DGKH: variants seen among roughly 807,000 people sequenced by gnomAD.
The protein encoded by DGKH is diacylglycerol kinase eta.
A neutral mutation model predicts 159.3 loss-of-function variants in DGKH; 90 were observed. The ratio of observed to expected loss-of-function variants is 0.57; its 90% CI spans 0.48 to 0.67. The LOEUF is 0.67. DGKH is among the 30% of genes least tolerant of loss of function. The probability of loss-of-function intolerance (pLI) is 0.00; values close to 1 mark genes in which losing one functional copy is unlikely to be tolerated. For synonymous variants in DGKH, 536 were observed against 553.8 expected (o/e 0.97, Z 0.45); for missense variants, 1,181 against 1,506.1 (o/e 0.78, Z 3.57).
chr13:42,112,099 A>T (rs866235622), intron 1 of DGKH, among the ~76,000 whole-genome samples: 1 of 152,312 alleles, frequency 6.6e-6, no homozygotes, highest in South Asian at 2.1e-4. Context: ...GAATCAGAAC[A>T]TGTGTGTGTT....
At chr13:42,101,078 C>G (rs575133646) in intron 1 of DGKH, among the ~76,000 whole-genome samples, 5 of 152,200 alleles carry the variant, frequency 3.3e-5, no homozygotes, top group African/African-American at 1.2e-4. Context: ...CTGGCTCCCC[C>G]ACTAATCTCT....
At chr13:42,171,614 T>C (rs971279831) in intron 11 of DGKH, among the ~76,000 whole-genome samples, 1 of 152,228 alleles carries the variant, frequency 6.6e-6, no homozygotes, top group African/African-American at 2.4e-5. Context: ...AACTTGACTT[T>C]TATGTTTCTA....
chr13:42,199,973 G>A, intron 20 of DGKH, 64 bp downstream of exon 20: 2 of 1,414,228 alleles, frequency 1.4e-6, no homozygotes, highest in Non-Finnish European at 1.9e-6. Flanking sequence ...TCGTTTTGGA[G>A]CTAATTTGAC....
At position 42,129,643 on chromosome 13, in the gene DGKH, A is replaced by G; in HGVS notation, c.384+11A>G. 6.2e-7 allele frequency: 1 copy of G among 1,607,978 alleles called. No homozygotes were observed. The highest frequency in any genetic ancestry group is 1.1e-5 in the South Asian group (1 of 90,010). On this transcript the variant is annotated intron_variant, in intron 3 of 29. Transcript: ENST00000337343. ...AACAACAGCTTCACGGTATGGTTAT[A>G]TTCTGCTAACTCCCTTCTCAAAAGT...
chr13:42,233,727 C>T lies in DGKH; in HGVS notation c.*4539C>T, dbSNP rs943831874. ...CTCCACCTCTAAGTCACTAACAATCCATGTTTGTTCAGTTTGTTGACATGT... is the reference window on the plus strand; with the variant it reads ...CTCCACCTCTAAGTCACTAACAATCTATGTTTGTTCAGTTTGTTGACATGT... On this transcript the variant is annotated 3_prime_UTR_variant, in exon 30 of 30. Transcript: ENST00000337343. The T allele has an allele frequency of 6.6e-6, 1 of 152,208 alleles. No homozygotes were observed. The highest frequency in any genetic ancestry group is 2.4e-5 in the African/African-American group (1 of 41,452). 9.4% of individuals were successfully genotyped at this position (152,208 alleles called of 1,614,324 possible).
chr13:42,133,678 A>G (rs1955338547), intron 3 of DGKH, among the ~76,000 whole-genome samples: 1 of 152,232 alleles, frequency 6.6e-6, no homozygotes, highest in Non-Finnish European at 1.5e-5. Context: ...CCTGGACAAC[A>G]AAGTGATTCC....
chr13:42,166,606 C>A lies in DGKH; in HGVS notation c.1050C>A (p.Leu350=). The change falls in exon 9 of 30, where the codon CTC becomes CTA. Residue 350 remains leucine (L), a synonymous_variant. Transcript: ENST00000337343. ...GAGATAATCAGGGAGTAAAGTTCCT[C>A]CGTCGCTTTAAACAGTTGCTAAATC... ...KSGDNQGVKF[L]RRFKQLLNPA... is the part of the protein sequence containing the mutation. 1 of 1,609,030 alleles carries A rather than the reference C, an allele frequency of 6.2e-7. No homozygotes were observed. The highest frequency in any genetic ancestry group is 2.2e-5 in the East Asian group (1 of 44,576).
chr13:42,098,573 CACTT>C (rs372965424), intron 1 of DGKH, among the ~76,000 whole-genome samples: 33 of 151,996 alleles, frequency 2.2e-4, no homozygotes, highest in African/African-American at 7.7e-4. Context: ...CTTTTGATGA[CACTT>C]ACAAAATCAA....
Position 42,159,384 on chromosome 13 carries a change from C to T in DGKH, c.729+12C>T, listed in dbSNP as rs375971353. 2.0e-4 allele frequency: 314 copies of T among 1,552,090 alleles called. 1 individual carries two copies. Among genetic ancestry groups the T allele is most frequent in the Non-Finnish European group, 2.6e-4 (288 of 1,124,434 alleles). On this transcript the variant is annotated intron_variant, in intron 6 of 29. Transcript: ENST00000337343. ...AAGATGAAGATGGCGTAAGCTGCTG[C>T]TCTGTCTCTGCTCTCTTCCCACTAA...
At chr13:42,143,021 T>C (rs1955610022) in intron 3 of DGKH, among the ~76,000 whole-genome samples, 1 of 152,200 alleles carries the variant, frequency 6.6e-6, no homozygotes, top group South Asian at 2.1e-4. Context: ...CAGTATGATA[T>C]TGGCTGTGGG....
intron 1 of DGKH, among the ~76,000 whole-genome samples, chr13:42,120,880 A>T (rs892174195): frequency 6.6e-6 from 1 of 152,104 alleles, no homozygotes; most frequent in African/African-American, 2.4e-5. Context: ...CTTTCAACAG[A>T]TTCTGAAAAG....
At chr13:42,228,192 A>C (rs1958183093) in intron 29 of DGKH, among the ~76,000 whole-genome samples, 1 of 152,202 alleles carries the variant, frequency 6.6e-6, no homozygotes, top group Middle Eastern at 3.4e-3. Flanking sequence ...TGCTGTGCAC[A>C]CTCTGCAGTC....
chr13:42,200,845 A>G (rs1437692192), intron 20 of DGKH, among the ~76,000 whole-genome samples: 1 of 152,172 alleles, frequency 6.6e-6, no homozygotes, highest in Non-Finnish European at 1.5e-5. Context: ...GACTTACTGG[A>G]TAAAAAGGTA....
Position 42,171,519 on chromosome 13 carries a change from G to A in DGKH, c.1368-2541G>A, listed in dbSNP as rs61959234. Among the ~76,000 whole-genome samples the A allele has an allele frequency of 6.6e-5, 10 of 152,228 alleles. No individual in the cohort carries two copies. In the East Asian group the frequency reaches 1.9e-3, roughly 29 times the overall value. Reference sequence around the variant, plus strand: ...TCGAGTGGGGAGGTATAGCATGGAGGGTGCAAGGAACTCAGACATTTGGAT... The same window carrying A: ...TCGAGTGGGGAGGTATAGCATGGAGAGTGCAAGGAACTCAGACATTTGGAT... On this transcript the variant is annotated intron_variant, in intron 11 of 29. Coordinates refer to ENST00000337343, the MANE Select transcript of DGKH (RefSeq NM_178009.5).
At chr13:42,096,425 C>G (rs976868916) in intron 1 of DGKH, among the ~76,000 whole-genome samples, 2 of 152,150 alleles carry the variant, frequency 1.3e-5, no homozygotes, top group African/African-American at 2.4e-5. Flanking sequence ...TGATTTCATT[C>G]TTGTTTATGG....
intron 28 of DGKH, 69 bp downstream of exon 28, chr13:42,219,863 AG>A: frequency 1.4e-6 from 2 of 1,431,330 alleles, no homozygotes; most frequent in Middle Eastern, 1.8e-4. Flanking sequence ...GACATCATGG[AG>A]GTCGTGAAAA....
rs551605848 is a variant in DGKH at position 42,070,336 on chromosome 13, T to C, written c.192+21371T>C. 45 of 1,398,630 alleles carry C rather than the reference T, an allele frequency of 3.2e-5. No individual in the cohort carries two copies. In the East Asian group the frequency reaches 8.0e-4, roughly 25 times the overall value. The allele number at this position is 1,398,630 out of a possible 1,614,324, so 86.6% of individuals were successfully genotyped here. ...GAGAAGCTCCTGACGATCTTCCTCATGTGCAACAGGAATAGATTCTAAAGT... is the reference window on the plus strand; with the variant it reads ...GAGAAGCTCCTGACGATCTTCCTCACGTGCAACAGGAATAGATTCTAAAGT... On this transcript the variant is annotated intron_variant, in intron 1 of 29. Coordinates refer to ENST00000337343, the MANE Select transcript of DGKH (RefSeq NM_178009.5).
In DGKH at chr13:42,192,801, C is replaced by G. The variant is rs1039188759; in HGVS notation, c.2036-2084C>G. 3.9e-5 allele frequency among the ~76,000 whole-genome samples: 6 copies of G among 152,192 alleles called. No homozygotes were observed. The South Asian group carries it at 1.2e-3, about 32-fold the overall frequency. The stretch of plus-strand genomic sequence containing the variant: ...CAGTTTTTAAACTGATGATTTTAAA[C>G]CTTTTGTTTTCCTTGTTGCACCCAT... On this transcript the variant is annotated intron_variant, in intron 16 of 29. Coordinates refer to ENST00000337343, the MANE Select transcript of DGKH (RefSeq NM_178009.5).
chr13:42,040,528 A>C (rs1370759500), intron 1 of DGKH, among the ~76,000 whole-genome samples: 1 of 145,972 alleles, frequency 6.9e-6, no homozygotes, highest in Non-Finnish European at 1.5e-5. Flanking sequence ...GGTAGCGGGG[A>C]GGAAAAGGGG....
Sources: gnomAD v4.1 joint callset for allele counts (sites outside exome capture counted in the v4.1 genomes callset) on GRCh38, gnomAD v4.1.1 for gene constraint, MANE v1.5 for transcripts, NCBI Gene and HGNC (gene_info 2026-07-23, HGNC 2026-07-21) for gene names.